The following DYNC2H1 variants were observed in gnomAD, a reference collection of about 807,000 sequenced individuals.
The protein encoded by DYNC2H1 is dynein cytoplasmic 2 heavy chain 1, also known as cytoplasmic dynein 2 heavy chain 1.
Under a neutral mutation model 570.0 loss-of-function variants are expected in DYNC2H1, and 410 were observed. That is an observed-to-expected ratio of 0.72 (90% CI 0.66 to 0.78). The LOEUF is 0.78. Among genes scored for constraint, DYNC2H1 ranks in the 30% least tolerant of loss-of-function variants. DYNC2H1 has a pLI of 0.00. For synonymous variants in DYNC2H1, 1,688 were observed against 1,677.6 expected, an observed-to-expected ratio of 1.01 and a Z score of -0.15; for missense variants, 4,865 against 5,046.4, an observed-to-expected ratio of 0.96 and a Z score of 1.09.
chr11:103,191,699 G>A lies in DYNC2H1; in HGVS notation c.7540+80G>A, dbSNP rs1463715787. 4.7e-6 allele frequency: 3 copies of A among 639,502 alleles called. No homozygotes were observed. In the African/African-American group the frequency reaches 5.7e-5, roughly 12 times the overall value. 39.6% of individuals were successfully genotyped at this position (639,502 alleles called of 1,614,324 possible). A position where few individuals can be genotyped will look rare whatever the true frequency, so the allele number is the denominator to read the frequency against. On this transcript the variant is annotated intron_variant, in intron 46 of 88. Transcript: ENST00000375735. ...TCTAGATTGTATTTGTAATAGATAA[G>A]TTAAATGCGTATTATATCACAAGTT... is the stretch of plus-strand genomic sequence containing the variant.
At position 103,456,103 on chromosome 11, in the gene DYNC2H1, G is replaced by A. The variant is rs313871; in HGVS notation, c.12567-172G>A. On this transcript the variant is annotated intron_variant, in intron 86 of 88. Coordinates refer to ENST00000375735, the MANE Select transcript of DYNC2H1 (RefSeq NM_001377.3). ...GCATCAAAGAGGAGACTGACAGTTA[G>A]CTTTGAAAATTTAGTGTGAACTCTG... Among the ~76,000 whole-genome samples the A allele has an allele frequency of 0.61, 92,578 of 151,970 alleles. 29,961 individuals carry two copies. Among genetic ancestry groups the A allele is most frequent in the African/African-American group, 0.82 (33,853 of 41,510 alleles).
At chr11:103,453,251 T>TC (rs1300221324) in intron 85 of DYNC2H1, among the ~76,000 whole-genome samples, 7 of 152,028 alleles carry the variant, frequency 4.6e-5, no homozygotes, top group African/African-American at 1.7e-4. Flanking sequence ...TATTTGCCAG[T>TC]TAGTATGCCT....
chr11:103,418,344 A>C (rs1051187747), intron 84 of DYNC2H1, among the ~76,000 whole-genome samples: 2 of 152,218 alleles, frequency 1.3e-5, no homozygotes, highest in African/African-American at 4.8e-5. Flanking sequence ...TATAAGGTAA[A>C]TATATAAAAA....
rs775862338 is a variant in DYNC2H1 at position 103,304,599 on chromosome 11, C to T, written c.11261C>T (p.Ala3754Val). ...ERSGECYHQVAMGQGQADLAI... is the reference protein window; with the variant it reads ...ERSGECYHQVVMGQGQADLAI... Reference sequence around the variant, plus strand: ...TTTGTTTTTTTGCTTTTGTAGGTTGCCATGGGTCAAGGTCAAGCTGATTTA... The same window carrying T: ...TTTGTTTTTTTGCTTTTGTAGGTTGTCATGGGTCAAGGTCAAGCTGATTTA... Residue 3754 changes from alanine (A) to valine (V), a missense_variant, in exon 77 of 89, where the codon GCC becomes GTC. Physicochemically the swap from Ala to Val is moderately conservative, Grantham distance 64. Coordinates refer to ENST00000375735, the MANE Select transcript of DYNC2H1 (RefSeq NM_001377.3). 2 of 1,608,232 alleles carry T rather than the reference C, an allele frequency of 1.2e-6. No homozygotes were observed. Among genetic ancestry groups the T allele is most frequent in the South Asian group, 1.1e-5 (1 of 90,146 alleles).
At position 103,133,734 on chromosome 11, in the gene DYNC2H1, A is replaced by G. The variant is rs746819299; in HGVS notation, c.2106+27A>G. 2 of 1,532,186 alleles carry G rather than the reference A, an allele frequency of 1.3e-6. No homozygotes were observed. Among genetic ancestry groups the G allele is most frequent in the African/African-American group, 1.4e-5 (1 of 71,544 alleles). The allele number at this position is 1,532,186 out of a possible 1,614,324, so 94.9% of individuals were successfully genotyped here. ...TATATTTTGTTTATAAAATTGAATA[A>G]GCTATGAATGATATTATTTAAAAAG... is the stretch of plus-strand genomic sequence containing the variant. On this transcript the variant is annotated intron_variant, in intron 14 of 88. Transcript: ENST00000375735. The surrounding 1 kb of genome is among the most constrained non-coding windows in gnomAD (Gnocchi z 4.8).
intron 82 of DYNC2H1, among the ~76,000 whole-genome samples, chr11:103,342,289 G>A (rs754801965): frequency 2.0e-5 from 3 of 152,024 alleles, no homozygotes; most frequent in Non-Finnish European, 2.9e-5. Context: ...TCAGCACCCT[G>A]TAAAATGGAC....
At chr11:103,390,459 A>C (rs1942093977) in intron 83 of DYNC2H1, among the ~76,000 whole-genome samples, 1 of 151,932 alleles carries the variant, frequency 6.6e-6, no homozygotes, top group Non-Finnish European at 1.5e-5. Context: ...CCAATTTACC[A>C]GTCTGTGTCT....
rs139598483 is a variant in DYNC2H1 at position 103,418,917 on chromosome 11, C to G, written c.12367-17026C>G. ...GTGTGGAGTCTGCACAGCAGCTGCT[C>G]AGGTACACACACACAGGCCCAGGAG... On this transcript the variant is annotated intron_variant, in intron 84 of 88. Coordinates refer to ENST00000375735, the MANE Select transcript of DYNC2H1 (RefSeq NM_001377.3). Among the ~76,000 whole-genome samples the G allele has an allele frequency of 5.0e-3, 763 of 152,312 alleles. 7 individuals carry two copies. The highest frequency in any genetic ancestry group is 0.017 in the African/African-American group (716 of 41,578).
intron 85 of DYNC2H1, among the ~76,000 whole-genome samples, chr11:103,438,875 G>A (rs1944156672): frequency 6.6e-6 from 1 of 152,046 alleles, no homozygotes; most frequent in African/African-American, 2.4e-5. Flanking sequence ...TGGGCACAGT[G>A]GCATGTGTCT....
At chr11:103,402,573 T>A (rs1327388306) in intron 84 of DYNC2H1, 1 of 152,074 alleles carries the variant, frequency 6.6e-6, no homozygotes, top group African/African-American at 2.4e-5. Context: ...GGTAGGCATG[T>A]GTTTGGTGGG....
chr11:103,219,897 A>C lies in DYNC2H1; in HGVS notation c.8833-18A>C. ...AAGCATTAAAATTGATTGGAATGCC[A>C]CTTAAATATTCTTATAGGATGCTAG... On this transcript the variant is annotated intron_variant, in intron 55 of 88. Transcript: ENST00000375735. 1 of 1,386,890 alleles carries C rather than the reference A, an allele frequency of 7.2e-7. No homozygotes were observed. Among genetic ancestry groups the C allele is most frequent in the Non-Finnish European group, 9.8e-7 (1 of 1,024,916 alleles). 85.9% of individuals were successfully genotyped at this position (1,386,890 alleles called of 1,614,324 possible).
chr11:103,220,095 C>A, intron 56 of DYNC2H1, 67 bp downstream of exon 56: 2 of 879,620 alleles, frequency 2.3e-6, no homozygotes, highest in Non-Finnish European at 3.3e-6. Flanking sequence ...GGAATTTAAA[C>A]ATTATTTGTA....
intron 13 of DYNC2H1, among the ~76,000 whole-genome samples, chr11:103,130,889 G>A (rs1221231676): frequency 2.6e-5 from 4 of 152,144 alleles, no homozygotes; most frequent in Non-Finnish European, 5.9e-5. Context: ...ACTAGCATAG[G>A]TGTAGAGAGA....
intron 83 of DYNC2H1, among the ~76,000 whole-genome samples, chr11:103,386,558 G>T (rs1941883191): frequency 6.6e-6 from 1 of 151,964 alleles, no homozygotes; most frequent in Admixed American, 6.6e-5. Context: ...GTGCAGGTTT[G>T]TTACATATGT....
At chr11:103,248,505 A>G (rs1406698647) in intron 65 of DYNC2H1, among the ~76,000 whole-genome samples, 1 of 152,090 alleles carries the variant, frequency 6.6e-6, no homozygotes, top group Non-Finnish European at 1.5e-5. Flanking sequence ...CAGTCTGCAT[A>G]CTAAGTATCA....
intron 86 of DYNC2H1, among the ~76,000 whole-genome samples, chr11:103,455,543 T>C (rs758184931): frequency 2.0e-5 from 3 of 152,192 alleles, no homozygotes; most frequent in Non-Finnish European, 4.4e-5. Flanking sequence ...TTTGATCATT[T>C]ATCTATACCT....
chr11:103,335,764 A>T (rs566375715), intron 82 of DYNC2H1, among the ~76,000 whole-genome samples: 4 of 152,232 alleles, frequency 2.6e-5, no homozygotes, highest in African/African-American at 4.8e-5. Flanking sequence ...GTTTATGATG[A>T]TGATAATGAT....
intron 52 of DYNC2H1, among the ~76,000 whole-genome samples, chr11:103,207,631 A>G (rs1376677100): frequency 6.6e-6 from 1 of 152,170 alleles, no homozygotes; most frequent in Non-Finnish European, 1.5e-5. Context: ...CATGGAAAAC[A>G]GTAGTTTGGG....
rs749678820 is a variant in DYNC2H1, at chr11:103,256,103, C to T, written c.10327-3C>T. 4 of 1,596,560 alleles carry T rather than the reference C, an allele frequency of 2.5e-6. No individual in the cohort carries two copies. The African/African-American group carries it at 4.0e-5, about 16-fold the overall frequency. On this transcript the variant is annotated splice_region_variant and splice_polypyrimidine_tract_variant and intron_variant, in intron 67 of 88. Coordinates refer to ENST00000375735, the MANE Select transcript of DYNC2H1 (RefSeq NM_001377.3). The surrounding 1 kb of genome is among the most constrained non-coding windows in gnomAD (Gnocchi z 4.0). ...ATATTCATATTGTTAACTTTCCCTA[C>T]AGACACTTGCCACATCTCAAGGCAA...
Sources: allele counts gnomAD v4.1 joint callset (sites outside exome capture counted in the v4.1 genomes callset), GRCh38; gene constraint gnomAD v4.1.1; non-coding constraint Gnocchi (gnomAD v3.1); transcripts MANE v1.5; gene names NCBI Gene and HGNC (gene_info 2026-07-23, HGNC 2026-07-21).